Variants in GALNTL6 observed in about 807,000 individuals in gnomAD.
GALNTL6 encodes the protein polypeptide N-acetylgalactosaminyltransferase like 6.
GALNTL6 carries 46 observed loss-of-function variants against 73.7 expected under a neutral mutation model. The ratio of observed to expected loss-of-function variants is 0.62; its 90% CI spans 0.49 to 0.80. The LOEUF is 0.80. Ranked by LOEUF, GALNTL6 falls within the 30% of genes least tolerant of loss-of-function variation. GALNTL6 has a pLI of 0.00. For synonymous variants in GALNTL6, 259 were observed against 263.7 expected (o/e 0.98, Z 0.17); for missense variants, 604 against 755.0 (o/e 0.80, Z 2.34).
intron 2 of GALNTL6, among the ~76,000 whole-genome samples, chr4:171,919,633 A>C (rs911523389): frequency 1.3e-5 from 2 of 152,154 alleles, no homozygotes; most frequent in African/African-American, 4.8e-5. Flanking sequence ...TACAAAGCAA[A>C]TATGGATGAA....
At chr4:171,845,572 T>C (rs1055272165) in intron 2 of GALNTL6, among the ~76,000 whole-genome samples, 39 of 152,142 alleles carry the variant, frequency 2.6e-4, no homozygotes, top group African/African-American at 9.4e-4. Context: ...GCATAAGTCA[T>C]ATATCTCATT....
At chr4:172,960,661 C>A (rs1050970297) in intron 10 of GALNTL6, among the ~76,000 whole-genome samples, 11 of 152,124 alleles carry the variant, frequency 7.2e-5, no homozygotes, top group Non-Finnish European at 1.3e-4. Context: ...CACCTCAGAC[C>A]ATTTGCCCAT....
In GALNTL6 at chr4:172,207,761, C is replaced by G. The variant is rs180712492; in HGVS notation, c.139-21895C>G. Among the ~76,000 whole-genome samples, 5 of 152,246 alleles carry G rather than the reference C, an allele frequency of 3.3e-5. No homozygotes were observed. In the East Asian group the frequency reaches 5.8e-4, roughly 18 times the overall value. ...ACTACAAGAACAGTAATTACAAATTCTCTCTAATGGGGTTTTTAAGGACTA... is the reference window on the plus strand; with the variant it reads ...ACTACAAGAACAGTAATTACAAATTGTCTCTAATGGGGTTTTTAAGGACTA... On this transcript the variant is annotated intron_variant, in intron 2 of 12. Coordinates refer to ENST00000506823, the MANE Select transcript of GALNTL6 (RefSeq NM_001034845.3).
rs143550211 is a variant in GALNTL6 at position 172,536,047 on chromosome 4, T to C, written c.553+187358T>C. ...CATGATAGTGAGTTCTCATGAGATCTGATGGTTTTATAAGGAGCTTTTCTC... is the reference window on the plus strand; with the variant it reads ...CATGATAGTGAGTTCTCATGAGATCCGATGGTTTTATAAGGAGCTTTTCTC... On this transcript the variant is annotated intron_variant, in intron 5 of 12. Transcript: ENST00000506823. Among the ~76,000 whole-genome samples, 397 of 152,268 alleles carry C rather than the reference T, an allele frequency of 2.6e-3. 1 individual carries two copies. The highest frequency in any genetic ancestry group is 9.1e-3 in the African/African-American group (378 of 41,556).
intron 2 of GALNTL6, among the ~76,000 whole-genome samples, chr4:172,167,935 C>T (rs181886845): frequency 1.3e-3 from 184 of 145,336 alleles, no homozygotes; most frequent in African/African-American, 4.4e-3. Context: ...GTCCGCAGTC[C>T]GGCCTGGGCA....
intron 5 of GALNTL6, among the ~76,000 whole-genome samples, chr4:172,806,411 A>C (rs936683762): frequency 6.6e-6 from 1 of 152,244 alleles, no homozygotes; most frequent in Non-Finnish European, 1.5e-5. Context: ...AATAAAAAAC[A>C]TGTAGAGACA....
At chr4:172,882,605 C>G (rs1745514347) in intron 7 of GALNTL6, among the ~76,000 whole-genome samples, 185 bp from the exon 8 acceptor site, 1 of 152,194 alleles carries the variant, frequency 6.6e-6, no homozygotes, top group Admixed American at 6.5e-5. Context: ...TTCTCCCTCC[C>G]CATCCATGTC....
chr4:172,537,925 G>T (rs1735405707), intron 5 of GALNTL6, among the ~76,000 whole-genome samples: 1 of 152,076 alleles, frequency 6.6e-6, no homozygotes, highest in Non-Finnish European at 1.5e-5. Flanking sequence ...CGAAACACTT[G>T]GTTAGGAAAT....
At chr4:171,869,708 C>A (rs1323281660) in intron 2 of GALNTL6, among the ~76,000 whole-genome samples, 4 of 152,148 alleles carry the variant, frequency 2.6e-5, no homozygotes, top group African/African-American at 9.7e-5. Context: ...CCATAATTCA[C>A]ATGTGTTGCG....
chr4:172,481,017 G>A (rs903295342), intron 5 of GALNTL6, among the ~76,000 whole-genome samples: 2 of 152,102 alleles, frequency 1.3e-5, no homozygotes, highest in African/African-American at 4.8e-5. Context: ...GTGGGTTCTT[G>A]GTCTCACTGA....
Position 172,464,871 on chromosome 4 carries a change from A to G in GALNTL6, c.553+116182A>G, listed in dbSNP as rs115024737. Among the ~76,000 whole-genome samples the G allele has an allele frequency of 9.2e-3, 1,394 of 152,242 alleles. 28 individuals are homozygous for G. Among genetic ancestry groups the G allele is most frequent in the African/African-American group, 0.032 (1,317 of 41,542 alleles). On this transcript the variant is annotated intron_variant, in intron 5 of 12. Transcript: ENST00000506823. ...TCTCTGATATATAGGTTTTAATATA[A>G]TAATTTCAGATTATTTTTCTGAATC...
In GALNTL6 at chr4:172,127,619, T is replaced by TGATC. The variant is rs1387554197; in HGVS notation, c.139-102036_139-102033dup. ...CTTTTTCTAGCTTATGATTATCAGGTGATCACCTAAGTAAGAATCTGAAGT... is the reference window on the plus strand; with the variant it reads ...CTTTTTCTAGCTTATGATTATCAGGTGATCGATCACCTAAGTAAGAATCTGAAGT... On this transcript the variant is annotated intron_variant, in intron 2 of 12. Coordinates refer to ENST00000506823, the MANE Select transcript of GALNTL6 (RefSeq NM_001034845.3). Among the ~76,000 whole-genome samples, 3 of 152,264 alleles carry TGATC rather than the reference T, an allele frequency of 2.0e-5. No homozygotes were observed. The East Asian group carries it at 5.8e-4, about 29-fold the overall frequency.
chr4:172,840,334 A>G (rs963793556), intron 7 of GALNTL6, among the ~76,000 whole-genome samples: 3 of 152,248 alleles, frequency 2.0e-5, no homozygotes, highest in African/African-American at 7.2e-5. Context: ...TTTTAAATTC[A>G]TCAGTGGAAT....
intron 2 of GALNTL6, among the ~76,000 whole-genome samples, chr4:172,088,226 T>C (rs952678455): frequency 6.6e-6 from 1 of 152,212 alleles, no homozygotes; most frequent in African/African-American, 2.4e-5. Flanking sequence ...ATCTTTACTT[T>C]TTCCCAAAGA....
chr4:172,014,883 T>C (rs2110787331), intron 2 of GALNTL6, among the ~76,000 whole-genome samples: 1 of 152,250 alleles, frequency 6.6e-6, no homozygotes, highest in South Asian at 2.1e-4. Flanking sequence ...GGAGTGAATT[T>C]CCAGTTTTAT....
chr4:172,955,936 A>G (rs749823495), intron 10 of GALNTL6, among the ~76,000 whole-genome samples: 11 of 152,322 alleles, frequency 7.2e-5, no homozygotes, highest in Non-Finnish European at 1.6e-4. Context: ...CAGTTAAGGC[A>G]GGAACAGGCC....
chr4:171,943,330 A>G (rs576367218), intron 2 of GALNTL6, among the ~76,000 whole-genome samples: 1 of 152,294 alleles, frequency 6.6e-6, no homozygotes, highest in South Asian at 2.1e-4. Context: ...TAGCCTTCCA[A>G]AGGATTCCTA....
chr4:172,794,663 C>T (rs1740171556), intron 5 of GALNTL6, among the ~76,000 whole-genome samples: 2 of 152,208 alleles, frequency 1.3e-5, no homozygotes, highest in Non-Finnish European at 2.9e-5. Context: ...CCCCAGCCTT[C>T]CTAGATACAT....
intron 2 of GALNTL6, among the ~76,000 whole-genome samples, chr4:172,116,208 G>A (rs899419182): frequency 2.0e-5 from 3 of 152,030 alleles, no homozygotes; most frequent in African/African-American, 7.2e-5. Context: ...GTAAAAAAAT[G>A]CTGTAAACAA....
Sources: allele counts gnomAD v4.1 joint callset (sites outside exome capture counted in the v4.1 genomes callset), GRCh38; gene constraint gnomAD v4.1.1; transcripts MANE v1.5; gene names NCBI Gene and HGNC (gene_info 2026-07-23, HGNC 2026-07-21).